The following RPS6KC1 variants were observed in gnomAD, a reference collection of about 807,000 sequenced individuals.
RPS6KC1 encodes ribosomal protein S6 kinase C1.
Under a neutral mutation model 103.8 loss-of-function variants are expected in RPS6KC1, and 54 were observed. The observed-to-expected ratio is 0.52, with a 90% CI of 0.42 to 0.65. The LOEUF is 0.65. RPS6KC1 is among the 30% of genes least tolerant of loss of function. The pLI is 0.00. For missense variants in RPS6KC1, 1,151 were observed against 1,253.8 expected, an observed-to-expected ratio of 0.92 and a Z score of 1.24; for synonymous variants, 439 against 438.7, an observed-to-expected ratio of 1.00 and a Z score of -0.01.
At chr1:213,854,525 T>C in the RPS6KC1 span, among the ~76,000 whole-genome samples, 1 of 91,832 alleles carries the variant, frequency 1.1e-5, no homozygotes, top group Middle Eastern at 4.4e-3. Context: ...TCTTTCTTTC[T>C]TTCTTTCTTT....
chr1:213,351,495 T>C, the RPS6KC1 span, among the ~76,000 whole-genome samples: 1 of 152,208 alleles, frequency 6.6e-6, no homozygotes, highest in Non-Finnish European at 1.5e-5. Context: ...AAGTGGCAAC[T>C]GGCTAAAAAT....
chr1:213,276,867 A>T (rs1193506936), downstream of RPS6KC1, among the ~76,000 whole-genome samples: 1 of 152,202 alleles, frequency 6.6e-6, no homozygotes, highest in Non-Finnish European at 1.5e-5. Flanking sequence ...GACCACACCT[A>T]CGTTTGCCTG....
the RPS6KC1 span, among the ~76,000 whole-genome samples, chr1:213,469,531 G>T: frequency 6.6e-6 from 1 of 152,130 alleles, no homozygotes; most frequent in Non-Finnish European, 1.5e-5. Flanking sequence ...AGGGAGCCCT[G>T]ATTTGTGGGT....
At chr1:213,578,612 ATTT>A in the RPS6KC1 span, among the ~76,000 whole-genome samples, 1 of 152,210 alleles carries the variant, frequency 6.6e-6, no homozygotes, top group African/African-American at 2.4e-5. Flanking sequence ...AAAGGAGATC[ATTT>A]TGGAACTTTA....
chr1:213,137,634 A>G (rs1436816640), intron 6 of RPS6KC1, among the ~76,000 whole-genome samples: 1 of 151,176 alleles, frequency 6.6e-6, no homozygotes, highest in Admixed American at 6.6e-5. Flanking sequence ...TGCCTTGCCA[A>G]AGCCTGTCCT....
the RPS6KC1 span, among the ~76,000 whole-genome samples, chr1:213,650,147 C>T: frequency 3.3e-5 from 5 of 152,160 alleles, no homozygotes; most frequent in Admixed American, 2.6e-4. Context: ...TGTTGCCCAA[C>T]CAGAGGGTGC....
intron 7 of RPS6KC1, among the ~76,000 whole-genome samples, chr1:213,168,406 A>G (rs2091183331): frequency 6.6e-6 from 1 of 152,212 alleles, no homozygotes; most frequent in African/African-American, 2.4e-5. Flanking sequence ...ATTCTAGCAG[A>G]GATAGTTATG....
chr1:213,347,529 C>G, the RPS6KC1 span, among the ~76,000 whole-genome samples: 1 of 152,014 alleles, frequency 6.6e-6, no homozygotes, highest in Non-Finnish European at 1.5e-5. Flanking sequence ...CATAGTGAAC[C>G]CTGTCACTAC....
chr1:213,729,913 C>T, the RPS6KC1 span, among the ~76,000 whole-genome samples: 1 of 152,058 alleles, frequency 6.6e-6, no homozygotes. Context: ...TCCGGATCTT[C>T]TCCCTCCTCC....
At chr1:213,214,732 C>T (rs1426479116) in intron 8 of RPS6KC1, among the ~76,000 whole-genome samples, 1 of 152,214 alleles carries the variant, frequency 6.6e-6, no homozygotes, top group Non-Finnish European at 1.5e-5. Context: ...ATTCGCTGTT[C>T]TGCAGCCTCC....
the RPS6KC1 span, among the ~76,000 whole-genome samples, chr1:213,802,870 G>A: frequency 6.6e-6 from 1 of 152,156 alleles, no homozygotes; most frequent in African/African-American, 2.4e-5. Context: ...TCTAGTGAAA[G>A]AACCGGGAAT....
the RPS6KC1 span, among the ~76,000 whole-genome samples, chr1:213,281,615 A>G: frequency 6.6e-6 from 1 of 152,184 alleles, no homozygotes; most frequent in Non-Finnish European, 1.5e-5. Flanking sequence ...GCATTGGTAA[A>G]TCTTGGCACC....
the RPS6KC1 span, among the ~76,000 whole-genome samples, chr1:213,694,645 C>T: frequency 6.6e-6 from 1 of 152,172 alleles, no homozygotes; most frequent in Non-Finnish European, 1.5e-5. Context: ...AACACCCAGT[C>T]CCGGTGCAAA....
At chr1:213,261,759 A>G (rs2094803017) in intron 13 of RPS6KC1, 119 bp downstream of exon 13, 3 of 813,334 alleles carry the variant, frequency 3.7e-6, no homozygotes, top group Middle Eastern at 2.5e-4. Flanking sequence ...AAACTTTGAT[A>G]TCGAAAGCAA....
the RPS6KC1 span, among the ~76,000 whole-genome samples, chr1:213,762,883 A>T: frequency 6.8e-6 from 1 of 146,864 alleles, no homozygotes; most frequent in African/African-American, 2.5e-5. Flanking sequence ...TTTTTTTGAG[A>T]CGGAGTCTCT....
At chr1:213,210,475 C>G (rs2093473429) in intron 8 of RPS6KC1, among the ~76,000 whole-genome samples, 1 of 152,182 alleles carries the variant, frequency 6.6e-6, no homozygotes, top group Admixed American at 6.5e-5. Context: ...TCCAAACATT[C>G]CTGCTTCTCC....
the RPS6KC1 span, among the ~76,000 whole-genome samples, chr1:213,623,641 C>T: frequency 6.6e-6 from 1 of 152,172 alleles, no homozygotes; most frequent in Non-Finnish European, 1.5e-5. Context: ...GGAAGAATTA[C>T]AGAATGCAGT....
intron 8 of RPS6KC1, among the ~76,000 whole-genome samples, chr1:213,191,580 G>T (rs2092746280): frequency 6.6e-6 from 1 of 152,042 alleles, no homozygotes; most frequent in African/African-American, 2.4e-5. Flanking sequence ...CATATCCTCT[G>T]TAAACAAGGA....
chr1:213,859,883 T>C, the RPS6KC1 span, among the ~76,000 whole-genome samples: 1 of 152,174 alleles, frequency 6.6e-6, no homozygotes, highest in East Asian at 1.9e-4. Flanking sequence ...GATGTATGCT[T>C]ACATTGAATC....
Sources: gnomAD v4.1 joint callset for allele counts (sites outside exome capture counted in the v4.1 genomes callset) on GRCh38, gnomAD v4.1.1 for gene constraint, MANE v1.5 for transcripts, NCBI Gene and HGNC (gene_info 2026-07-23, HGNC 2026-07-21) for gene names.